The following ZNF385D variants were observed in gnomAD, a reference collection of about 807,000 sequenced individuals.
ZNF385D encodes the protein zinc finger protein 659.
A neutral mutation model predicts 35.8 loss-of-function variants in ZNF385D; 15 were observed. The observed-to-expected ratio is 0.42, with a 90% CI of 0.28 to 0.64. The LOEUF (loss-of-function observed/expected upper bound fraction) is 0.64. Among genes scored for constraint, ZNF385D ranks in the 30% least tolerant of loss-of-function variants. ZNF385D has a pLI of 0.23. For missense variants in ZNF385D, 474 were observed against 494.6 expected, an observed-to-expected ratio of 0.96 and a Z score of 0.39; for synonymous variants, 212 against 186.8, an observed-to-expected ratio of 1.13 and a Z score of -1.10.
At chr3:21,950,630 G>A (rs1219598099) in intron 3 of ZNF385D, among the ~76,000 whole-genome samples, 1 of 151,730 alleles carries the variant, frequency 6.6e-6, no homozygotes, top group African/African-American at 2.4e-5. Context: ...CCATGCCCAT[G>A]TCCTAAATGG....
chr3:21,890,928 A>T (rs1177786806), intron 3 of ZNF385D, among the ~76,000 whole-genome samples: 1 of 152,190 alleles, frequency 6.6e-6, no homozygotes, highest in African/African-American at 2.4e-5. Context: ...GGTCTCCAAC[A>T]GTATTTAAGA....
chr3:22,038,698 A>G (rs1243720456), intron 3 of ZNF385D, among the ~76,000 whole-genome samples: 1 of 152,034 alleles, frequency 6.6e-6, no homozygotes, highest in East Asian at 1.9e-4. Context: ...ACAAAAAGTT[A>G]AATATGTTAG....
chr3:22,090,630 T>G (rs146803544), intron 3 of ZNF385D, among the ~76,000 whole-genome samples: 1 of 152,294 alleles, frequency 6.6e-6, no homozygotes, highest in Non-Finnish European at 1.5e-5. Flanking sequence ...AATATTTACT[T>G]TGTGGGTTGA....
chr3:22,134,464 T>A (rs1332852254), intron 3 of ZNF385D: 2 of 151,852 alleles, frequency 1.3e-5, no homozygotes, highest in Non-Finnish European at 2.9e-5. Context: ...AGACAGAAAA[T>A]CTGGAAGAAT....
At chr3:21,920,622 C>CA (rs71044953) in intron 3 of ZNF385D, among the ~76,000 whole-genome samples, 1,794 of 129,982 alleles carry the variant, frequency 0.014, 40 homozygotes, top group South Asian at 0.041. Flanking sequence ...GATACAATGC[C>CA]AAAAAAAAAA....
At chr3:21,664,271 G>C (rs997769062) in intron 2 of ZNF385D, among the ~76,000 whole-genome samples, 3 of 151,966 alleles carry the variant, frequency 2.0e-5, no homozygotes, top group Non-Finnish European at 4.4e-5. Context: ...TGAAAACAGA[G>C]GCAAGAAAGT....
intron 3 of ZNF385D, among the ~76,000 whole-genome samples, chr3:22,097,264 C>T (rs548555621): frequency 1.0e-3 from 159 of 152,042 alleles, no homozygotes; most frequent in South Asian, 5.2e-3. Context: ...CAATAGATAA[C>T]TGAACTGGAA....
chr3:21,601,916 C>A (rs1051881109), intron 2 of ZNF385D, among the ~76,000 whole-genome samples: 1 of 152,156 alleles, frequency 6.6e-6, no homozygotes. Context: ...GGTCTTTACT[C>A]TCCATATTTT....
chr3:22,211,078 T>G (rs1697488207), intron 2 of ZNF385D, among the ~76,000 whole-genome samples: 1 of 151,918 alleles, frequency 6.6e-6, no homozygotes, highest in Admixed American at 6.6e-5. Flanking sequence ...CTTTTTATGG[T>G]ACTTGTGCTT....
intron 3 of ZNF385D, among the ~76,000 whole-genome samples, chr3:21,922,955 T>C (rs1390234567): frequency 6.6e-6 from 1 of 152,108 alleles, no homozygotes; most frequent in Non-Finnish European, 1.5e-5. Context: ...AATTGCCCTG[T>C]TTGAAAAATG....
intron 3 of ZNF385D, among the ~76,000 whole-genome samples, chr3:21,935,739 G>A (rs1701226770): frequency 4.1e-5 from 1 of 24,554 alleles, no homozygotes; most frequent in Non-Finnish European, 7.2e-5. Context: ...CAAAGGCAGA[G>A]TAGATACAAC....
At chr3:22,012,366 T>G (rs1435782779) in intron 3 of ZNF385D, among the ~76,000 whole-genome samples, 1 of 152,158 alleles carries the variant, frequency 6.6e-6, no homozygotes, top group South Asian at 2.1e-4. Context: ...ACATGCTAAC[T>G]ATATACCACA....
At chr3:22,357,363 G>A (rs1046121569) in intron 2 of ZNF385D, among the ~76,000 whole-genome samples, 1 of 151,868 alleles carries the variant, frequency 6.6e-6, no homozygotes, top group Non-Finnish European at 1.5e-5. Flanking sequence ...ATGCAAGACA[G>A]ATAAATTAAT....
chr3:21,927,732 G>C (rs990124654), intron 3 of ZNF385D, among the ~76,000 whole-genome samples: 1 of 152,152 alleles, frequency 6.6e-6, no homozygotes, highest in South Asian at 2.1e-4. Flanking sequence ...AATGTTACTA[G>C]AGACAGTGAT....
intron 5 of ZNF385D, among the ~76,000 whole-genome samples, chr3:21,427,813 CA>C (rs1701089640): frequency 6.6e-6 from 1 of 152,036 alleles, no homozygotes; most frequent in African/African-American, 2.4e-5. Context: ...ATAGTCTCTC[CA>C]TAGAAGCTAG....
At chr3:21,867,913 T>C (rs1479843126) in intron 3 of ZNF385D, among the ~76,000 whole-genome samples, 1 of 152,114 alleles carries the variant, frequency 6.6e-6, no homozygotes, top group Non-Finnish European at 1.5e-5. Flanking sequence ...TTATATTTTG[T>C]TTACTTCTAA....
chr3:21,621,416 A>C (rs2065001988), intron 2 of ZNF385D, among the ~76,000 whole-genome samples: 1 of 152,162 alleles, frequency 6.6e-6, no homozygotes, highest in African/African-American at 2.4e-5. Flanking sequence ...CCTTAGTAGC[A>C]GCTATGGTAA....
rs1559356666 is a variant in ZNF385D, at chr3:22,084,779, C to T, written c.325+84038G>A. ...CCAAATCAACAGAATATACATTCTT[C>T]TCAGCACCACATCACAGTTATTCCA... On this transcript the variant is annotated intron_variant, in intron 3 of 5. Coordinates refer to the ZNF385D transcript ENST00000494108. Among the ~76,000 whole-genome samples the T allele has an allele frequency of 2.6e-5, 4 of 152,156 alleles. No individual in the cohort carries two copies. In the South Asian group the frequency reaches 8.3e-4, roughly 32 times the overall value.
At chr3:22,042,744 T>A (rs1242804459) in intron 3 of ZNF385D, among the ~76,000 whole-genome samples, 2 of 152,060 alleles carry the variant, frequency 1.3e-5, no homozygotes, top group Admixed American at 6.6e-5. Flanking sequence ...CACTCAGAAA[T>A]TATTGTAAAG....
Sources: allele counts gnomAD v4.1 joint callset (sites outside exome capture counted in the v4.1 genomes callset), GRCh38; gene constraint gnomAD v4.1.1; transcripts MANE v1.5; gene names NCBI Gene and HGNC (gene_info 2026-07-23, HGNC 2026-07-21).